Variants in ZYG11A observed in about 807,000 individuals in gnomAD.
ZYG11A encodes zyg-11 family member A, cell cycle regulator.
ZYG11A carries 62 observed loss-of-function variants against 77.2 expected under a neutral mutation model. That is an observed-to-expected ratio of 0.80 (90% confidence interval 0.65 to 0.99). ZYG11A has a LOEUF of 0.99. ZYG11A is among the 50% of genes least tolerant of loss of function. ZYG11A has a pLI of 0.00. For synonymous variants in ZYG11A, 315 were observed against 324.6 expected, an observed-to-expected ratio of 0.97 and a Z score of 0.32; for missense variants, 828 against 896.8, an observed-to-expected ratio of 0.92 and a Z score of 0.98.
chr1:52,847,733 G>A (rs1180950600), intron 1 of ZYG11A, among the ~76,000 whole-genome samples: 2 of 149,202 alleles, frequency 1.3e-5, no homozygotes, highest in South Asian at 2.1e-4. Flanking sequence ...GCAGTGGCGC[G>A]ATCTCGGTTC....
chr1:52,885,712 G>C (rs1484514928), intron 11 of ZYG11A, 121 bp from the exon 12 acceptor site: 1 of 676,572 alleles, frequency 1.5e-6, no homozygotes, highest in Non-Finnish European at 2.5e-6. Flanking sequence ...ATCGTTATGT[G>C]ATTGATATTT....
chr1:52,872,904 AGAAAAGAAAG>A (rs1646195542), intron 8 of ZYG11A, among the ~76,000 whole-genome samples: 1 of 143,738 alleles, frequency 7.0e-6, no homozygotes, highest in African/African-American at 2.7e-5. Context: ...AAAAAAGAAA[AGAAAAGAAAG>A]AAAGAAAAAA....
intron 1 of ZYG11A, among the ~76,000 whole-genome samples, chr1:52,852,650 G>A (rs1645736252): frequency 6.6e-6 from 1 of 152,108 alleles, no homozygotes; most frequent in African/African-American, 2.4e-5. Flanking sequence ...CAGCTACCAC[G>A]CTTGGCCAGC....
chr1:52,866,595 G>A (rs748901821), intron 6 of ZYG11A, 28 bp downstream of exon 6: 3 of 1,412,188 alleles, frequency 2.1e-6, no homozygotes, highest in African/African-American at 2.8e-5. Flanking sequence ...TCATTTGACT[G>A]GGGTGTTGGC....
At chr1:52,849,870 G>C (rs998508443) in intron 1 of ZYG11A, among the ~76,000 whole-genome samples, 2 of 151,610 alleles carry the variant, frequency 1.3e-5, no homozygotes, top group Admixed American at 1.3e-4. Context: ...GTTTTTAGTA[G>C]AGACGGGGTT....
rs540025233 is a variant in ZYG11A, at chr1:52,856,810, A to G, written c.257-188A>G. Among the ~76,000 whole-genome samples the G allele has an allele frequency of 8.5e-4, 130 of 152,310 alleles. 1 individual carries two copies. The Middle Eastern group carries it at 0.014, about 16-fold the overall frequency. On this transcript the variant is annotated intron_variant, in intron 2 of 13. Transcript: ENST00000371528. The stretch of plus-strand genomic sequence containing the variant: ...TAGTAGTAGTAACAATAATTCCTTT[A>G]TAGTATTAATGCAAAGAATACATGA...
chr1:52,894,100 T>G lies in ZYG11A; in HGVS notation c.*1143T>G, dbSNP rs991710968. ...TGCTGGGATTACAGGTGTGAGTCAC[T>G]GCACCTGGCCTTTTTACAATTTTGG... On this transcript the variant is annotated 3_prime_UTR_variant, in exon 14 of 14. Coordinates refer to ENST00000371528, the MANE Select transcript of ZYG11A (RefSeq NM_001004339.3). 2.6e-5 allele frequency: 4 copies of G among 152,250 alleles called. No individual in the cohort carries two copies. The highest frequency in any genetic ancestry group is 4.8e-5 in the African/African-American group (2 of 41,440). 9.4% of individuals were successfully genotyped at this position (152,250 alleles called of 1,614,324 possible).
At chr1:52,864,722 G>A (rs1219024071) in intron 5 of ZYG11A, among the ~76,000 whole-genome samples, 3 of 151,892 alleles carry the variant, frequency 2.0e-5, no homozygotes, top group East Asian at 1.9e-4. Flanking sequence ...TCGGCTCACC[G>A]CAACCTCCGC....
intron 5 of ZYG11A, 124 bp downstream of exon 5, chr1:52,864,281 T>C (rs1645982393): frequency 3.0e-6 from 3 of 1,014,908 alleles, no homozygotes; most frequent in Non-Finnish European, 4.2e-6. Context: ...AGTCTCTCTC[T>C]GTCGCCCAGG....
At chr1:52,866,648 G>A (rs1646032226) in intron 6 of ZYG11A, 81 bp downstream of exon 6, 1 of 811,300 alleles carries the variant, frequency 1.2e-6, no homozygotes, top group Non-Finnish European at 2.0e-6. Flanking sequence ...GCTGGGATAA[G>A]GTGTTTGGAG....
At chr1:52,846,143 A>T (rs1464075224) in intron 1 of ZYG11A, among the ~76,000 whole-genome samples, 1 of 151,072 alleles carries the variant, frequency 6.6e-6, no homozygotes, top group Non-Finnish European at 1.5e-5. Context: ...ACTCTTTAAT[A>T]GTCACTCAAA....
At chr1:52,875,788 A>C (rs1359697140) in intron 8 of ZYG11A, among the ~76,000 whole-genome samples, 1 of 151,298 alleles carries the variant, frequency 6.6e-6, no homozygotes, top group East Asian at 1.9e-4. Context: ...GGGAAGGCAG[A>C]GTATGTTGAT....
intron 8 of ZYG11A, among the ~76,000 whole-genome samples, chr1:52,869,172 A>C (rs1000691142): frequency 7.2e-6 from 1 of 139,018 alleles, no homozygotes; most frequent in African/African-American, 2.7e-5. Flanking sequence ...AGCCTTTATA[A>C]GTTTTCTTTT....
intron 13 of ZYG11A, among the ~76,000 whole-genome samples, chr1:52,888,577 C>T (rs959968025): frequency 5.3e-5 from 8 of 152,166 alleles, no homozygotes; most frequent in African/African-American, 1.4e-4. Flanking sequence ...AGGCTGGTCT[C>T]GAACTTGTGA....
chr1:52,857,898 G>A (rs1645847094), intron 3 of ZYG11A, 149 bp downstream of exon 3: 4 of 581,470 alleles, frequency 6.9e-6, no homozygotes, highest in Non-Finnish European at 1.1e-5. Flanking sequence ...TGATTATTAT[G>A]TACCTACTAT....
Position 52,867,770 on chromosome 1 carries a change from C to T in ZYG11A, c.1535C>T (p.Ala512Val). ...GCACAGCTTGAAGAGCTTTTCATGG[C>T]AGTTAAGGTAGGTTCCTTGTCATGT... ...QTAQLEELFM[A>V]VKELLAIVKQ... The change falls in exon 8 of 14, where the codon GCA becomes GTA. Residue 512 changes from alanine (A) to valine (V), a missense_variant. Physicochemically the swap from Ala to Val is moderately conservative, Grantham distance 64. Transcript: ENST00000371528. 1 of 1,551,154 alleles carries T rather than the reference C, an allele frequency of 6.4e-7. No individual in the cohort carries two copies. The highest frequency in any genetic ancestry group is 1.2e-5 in the South Asian group (1 of 84,000).
chr1:52,859,230 C>T (rs747473631), intron 3 of ZYG11A, among the ~76,000 whole-genome samples: 3 of 151,908 alleles, frequency 2.0e-5, no homozygotes, highest in Admixed American at 6.6e-5. Context: ...TGCAGTGGTC[C>T]GATCTTGGCT....
intron 8 of ZYG11A, among the ~76,000 whole-genome samples, chr1:52,869,808 C>G (rs966923557): frequency 2.3e-4 from 35 of 151,482 alleles, no homozygotes; most frequent in Admixed American, 8.5e-4. Flanking sequence ...TCCTCACTTC[C>G]CAGTAGGGGC....
intron 5 of ZYG11A, among the ~76,000 whole-genome samples, chr1:52,864,690 G>C (rs1340979646): frequency 6.6e-6 from 1 of 152,066 alleles, no homozygotes; most frequent in Non-Finnish European, 1.5e-5. Flanking sequence ...TGTTGCCCAG[G>C]GTGGAGTGCA....
Sources: gnomAD v4.1 joint callset for allele counts (sites outside exome capture counted in the v4.1 genomes callset) on GRCh38, gnomAD v4.1.1 for gene constraint, MANE v1.5 for transcripts, NCBI Gene and HGNC (gene_info 2026-07-23, HGNC 2026-07-21) for gene names.